Variants in NEGR1 observed in about 807,000 individuals in gnomAD.
NEGR1 encodes the protein IgLON family member 4.
In NEGR1, 10 loss-of-function variants were observed where a neutral mutation model predicts 40.9. The observed-to-expected ratio is 0.24, with a 90% CI of 0.15 to 0.42. NEGR1 has a LOEUF of 0.42. Among genes scored for constraint, NEGR1 ranks in the 10% least tolerant of loss-of-function variants. The probability of loss-of-function intolerance (pLI) is 1.00; values close to 1 mark genes in which losing one functional copy is unlikely to be tolerated. For missense variants in NEGR1, 352 were observed against 438.9 expected (o/e 0.80, Z 1.77); for synonymous variants, 185 against 166.8 (o/e 1.11, Z -0.84).
chr1:72,143,151 G>C (rs1293414897), intron 1 of NEGR1, among the ~76,000 whole-genome samples: 1 of 151,832 alleles, frequency 6.6e-6, no homozygotes, highest in Non-Finnish European at 1.5e-5. Flanking sequence ...AAGCCGAGAG[G>C]CTCAAAAATT....
intron 1 of NEGR1, among the ~76,000 whole-genome samples, chr1:72,160,359 C>A (rs927619016): frequency 2.6e-5 from 4 of 152,100 alleles, no homozygotes; most frequent in Non-Finnish European, 1.5e-5. Flanking sequence ...ATTAAGAAAA[C>A]TAAAAATATC....
chr1:71,749,732 A>T (rs1249870752), intron 3 of NEGR1, among the ~76,000 whole-genome samples: 1 of 152,148 alleles, frequency 6.6e-6, no homozygotes, highest in Non-Finnish European at 1.5e-5. Context: ...TTTGAAGAAC[A>T]ATTCCTGTTC....
At chr1:71,599,438 G>T (rs537294225) in intron 5 of NEGR1, among the ~76,000 whole-genome samples, 1 of 152,148 alleles carries the variant, frequency 6.6e-6, no homozygotes, top group Non-Finnish European at 1.5e-5. Context: ...TAACAAAAAA[G>T]AAAAGTGAAA....
At chr1:71,652,609 C>G (rs533975780) in intron 4 of NEGR1, among the ~76,000 whole-genome samples, 1 of 152,068 alleles carries the variant, frequency 6.6e-6, no homozygotes, top group Non-Finnish European at 1.5e-5. Context: ...TGGTGGCTCA[C>G]GCGTATAGCA....
At chr1:71,865,716 G>A (rs1264514616) in intron 2 of NEGR1, among the ~76,000 whole-genome samples, 6 of 152,076 alleles carry the variant, frequency 3.9e-5, no homozygotes, top group Admixed American at 1.3e-4. Flanking sequence ...AAACCTGCAC[G>A]TTCTGCACAT....
intron 4 of NEGR1, among the ~76,000 whole-genome samples, chr1:71,622,410 C>T (rs746183658): frequency 7.2e-5 from 11 of 151,764 alleles, no homozygotes; most frequent in African/African-American, 2.4e-4. Flanking sequence ...TATTTGAATG[C>T]ATTTTTTCTA....
intron 6 of NEGR1, among the ~76,000 whole-genome samples, chr1:71,494,491 A>G (rs1646949179): frequency 6.6e-6 from 1 of 152,214 alleles, no homozygotes; most frequent in African/African-American, 2.4e-5. Flanking sequence ...TGCCCTATGT[A>G]TCTATTCCAT....
chr1:71,684,194 C>T (rs1156675333), intron 4 of NEGR1, among the ~76,000 whole-genome samples: 2 of 152,046 alleles, frequency 1.3e-5, no homozygotes, highest in Non-Finnish European at 2.9e-5. Flanking sequence ...GACGTGAACC[C>T]GGGAGGGCGG....
rs530149829 is a variant in NEGR1, at chr1:71,930,213, T to C, written c.409+4866A>G. 6.6e-5 allele frequency among the ~76,000 whole-genome samples: 10 copies of C among 152,292 alleles called. No individual in the cohort carries two copies. In the South Asian group the frequency reaches 2.1e-3, roughly 32 times the overall value. On this transcript the variant is annotated intron_variant, in intron 2 of 6. Transcript: ENST00000357731. ...TTGAAAGCTGTTATAAGTAAAAGCC[T>C]TATGAATGAATGCTATGTGTACCAA...
At chr1:71,613,017 C>A (rs1338893619) in intron 4 of NEGR1, among the ~76,000 whole-genome samples, 1 of 152,078 alleles carries the variant, frequency 6.6e-6, no homozygotes. Flanking sequence ...ATGGTGAGTC[C>A]CTGCAGAGTA....
At chr1:71,534,492 T>C (rs1000404981) in intron 6 of NEGR1, among the ~76,000 whole-genome samples, 1 of 151,572 alleles carries the variant, frequency 6.6e-6, no homozygotes, top group Non-Finnish European at 1.5e-5. Flanking sequence ...TTACAACAGA[T>C]CTGGCATGAA....
At chr1:71,517,352 G>A (rs1258750203) in intron 6 of NEGR1, among the ~76,000 whole-genome samples, 3 of 64,652 alleles carry the variant, frequency 4.6e-5, no homozygotes, top group Admixed American at 3.7e-4. Flanking sequence ...ACCGAATCCA[G>A]CAGCACATCA....
In NEGR1 at chr1:72,212,633, TA is replaced by T. The variant is rs564336252; in HGVS notation, c.176+69685del. ...TAAACTATTCTGTCTAACCATGTGG[TA>T]AAAAGCAATAAAGAAGTAATAATCC... On this transcript the variant is annotated intron_variant, in intron 1 of 6. Transcript: ENST00000357731. 1.2e-4 allele frequency among the ~76,000 whole-genome samples: 19 copies of T among 152,092 alleles called. No homozygotes were observed. In the South Asian group the frequency reaches 3.9e-3, roughly 32 times the overall value.
intron 1 of NEGR1, among the ~76,000 whole-genome samples, chr1:72,247,313 C>T (rs948387902): frequency 3.3e-5 from 5 of 152,136 alleles, no homozygotes; most frequent in Non-Finnish European, 7.3e-5. Context: ...GGCCAGGCTG[C>T]TAATTTTCCA....
chr1:72,096,796 G>C (rs1817624), intron 1 of NEGR1, among the ~76,000 whole-genome samples: 1 of 151,686 alleles, frequency 6.6e-6, no homozygotes, highest in Non-Finnish European at 1.5e-5. Flanking sequence ...GAGTAGCTGG[G>C]ACTGCTGGCG....
intron 4 of NEGR1, among the ~76,000 whole-genome samples, chr1:71,666,926 C>T (rs1363627357): frequency 6.6e-6 from 1 of 152,148 alleles, no homozygotes; most frequent in East Asian, 1.9e-4. Flanking sequence ...TGACCTCATA[C>T]TTAACCAATT....
intron 4 of NEGR1, among the ~76,000 whole-genome samples, chr1:71,678,945 A>G (rs923523728): frequency 1.3e-5 from 2 of 152,046 alleles, no homozygotes; most frequent in Non-Finnish European, 2.9e-5. Flanking sequence ...AAGGACTAAC[A>G]CTCTATCCTG....
At chr1:72,118,152 CATA>C in intron 1 of NEGR1, among the ~76,000 whole-genome samples, 1 of 151,762 alleles carries the variant, frequency 6.6e-6, no homozygotes, top group Middle Eastern at 3.2e-3. Flanking sequence ...GTGGCTAGTG[CATA>C]ATAATATGTG....
At chr1:71,863,943 G>A (rs1660029020) in intron 2 of NEGR1, among the ~76,000 whole-genome samples, 1 of 152,054 alleles carries the variant, frequency 6.6e-6, no homozygotes, top group South Asian at 2.1e-4. Flanking sequence ...AACATTTTAA[G>A]TTGGTATTTT....
Sources: allele counts gnomAD v4.1 joint callset (sites outside exome capture counted in the v4.1 genomes callset), GRCh38; gene constraint gnomAD v4.1.1; transcripts MANE v1.5; gene names NCBI Gene and HGNC (gene_info 2026-07-23, HGNC 2026-07-21).